The following CTIF variants were observed in gnomAD, a reference collection of about 807,000 sequenced individuals.
CTIF encodes cap binding complex dependent translation initiation factor.
CTIF carries 21 observed loss-of-function variants against 66.0 expected under a neutral mutation model. The ratio of observed to expected loss-of-function variants is 0.32; its 90% CI spans 0.23 to 0.46. The LOEUF is 0.46. Ranked by LOEUF, CTIF falls within the 20% of genes least tolerant of loss-of-function variation. The pLI is 1.00. For synonymous variants in CTIF, 345 were observed against 326.4 expected (o/e 1.06, Z -0.62); for missense variants, 739 against 812.7 (o/e 0.91, Z 1.10).
At chr18:48,677,283 G>A (rs530255839) in intron 6 of CTIF, among the ~76,000 whole-genome samples, 110 of 152,240 alleles carry the variant, frequency 7.2e-4, no homozygotes, top group Non-Finnish European at 1.4e-3. Context: ...GTGGTCCCAC[G>A]GAGGTGAGGT....
intron 1 of CTIF, among the ~76,000 whole-genome samples, chr18:48,552,349 A>G (rs969061087): frequency 1.3e-5 from 2 of 152,240 alleles, no homozygotes; most frequent in Non-Finnish European, 2.9e-5. Flanking sequence ...CTCTCTAGAA[A>G]GAACTGTGTG....
intron 6 of CTIF, among the ~76,000 whole-genome samples, chr18:48,685,312 T>C (rs1321823983): frequency 6.6e-6 from 1 of 152,064 alleles, no homozygotes; most frequent in Non-Finnish European, 1.5e-5. Flanking sequence ...AACCTCCGCC[T>C]CCCGGGTTCA....
At chr18:48,758,723 G>A (rs1908667041) in intron 8 of CTIF, among the ~76,000 whole-genome samples, 1 of 152,226 alleles carries the variant, frequency 6.6e-6, no homozygotes, top group Non-Finnish European at 1.5e-5. Context: ...GAGTGATGGG[G>A]GAGGTGCAGG....
At chr18:48,764,304 C>T (rs1909301804) in intron 9 of CTIF, among the ~76,000 whole-genome samples, 1 of 152,242 alleles carries the variant, frequency 6.6e-6, no homozygotes, top group African/African-American at 2.4e-5. Context: ...CAGTCAGTCA[C>T]TGGGCACAGC....
intron 7 of CTIF, among the ~76,000 whole-genome samples, chr18:48,716,080 C>T (rs1291832375): frequency 2.0e-5 from 3 of 152,190 alleles, no homozygotes; most frequent in Non-Finnish European, 2.9e-5. Flanking sequence ...TTCCAGCAGC[C>T]GGGAGGCAGT....
At chr18:48,698,104 TAAAAAAAAAAAAAA>T (rs527429582) in intron 6 of CTIF, among the ~76,000 whole-genome samples, 21 of 13,062 alleles carry the variant, frequency 1.6e-3, no homozygotes, top group East Asian at 0.013. Flanking sequence ...TAGCCATCAT[TAAAAAAAAAAAAAA>T]AAAAAAAAAA....
intron 1 of CTIF, chr18:48,567,030 A>G (rs377232106): frequency 1.1e-4 from 16 of 152,180 alleles, no homozygotes; most frequent in Admixed American, 8.5e-4. Flanking sequence ...TTCACCAGAT[A>G]TTTTTCAGCA....
intron 1 of CTIF, chr18:48,567,333 A>G: frequency 6.6e-6 from 1 of 152,250 alleles, no homozygotes; most frequent in Non-Finnish European, 1.5e-5. Flanking sequence ...GGCAGAAGTC[A>G]GGGAAGAACG....
At chr18:48,655,314 A>AAAAT (rs2091228674) in intron 3 of CTIF, among the ~76,000 whole-genome samples, 1 of 99,574 alleles carries the variant, frequency 1.0e-5, no homozygotes, top group African/African-American at 2.8e-5. Context: ...AAAAAAAAAA[A>AAAAT]AAAAAAGAAG....
At chr18:48,776,320 C>T (rs1007000958) in intron 9 of CTIF, among the ~76,000 whole-genome samples, 4 of 152,244 alleles carry the variant, frequency 2.6e-5, no homozygotes, top group Non-Finnish European at 4.4e-5. Flanking sequence ...GGGCGCCCAC[C>T]GCCCAACCAG....
At chr18:48,542,638 T>A (rs145514319) in intron 1 of CTIF, among the ~76,000 whole-genome samples, 1 of 152,282 alleles carries the variant, frequency 6.6e-6, no homozygotes, top group East Asian at 1.9e-4. Context: ...TGCAATGCAA[T>A]AACACAGCCT....
chr18:48,559,253 C>T (rs1025198109), intron 1 of CTIF, among the ~76,000 whole-genome samples: 11 of 151,672 alleles, frequency 7.3e-5, no homozygotes, highest in African/African-American at 2.7e-4. Flanking sequence ...TTGGCCCTAC[C>T]TTCAGACCAT....
intron 7 of CTIF, among the ~76,000 whole-genome samples, chr18:48,715,517 C>T (rs768784797): frequency 6.6e-6 from 1 of 152,178 alleles, no homozygotes; most frequent in Non-Finnish European, 1.5e-5. Flanking sequence ...CTCGTTCCCC[C>T]CCTTTTCTCA....
intron 10 of CTIF, among the ~76,000 whole-genome samples, chr18:48,849,020 G>A (rs973022968): frequency 7.2e-5 from 11 of 152,026 alleles, no homozygotes; most frequent in East Asian, 3.9e-4. Flanking sequence ...CCACATCCCC[G>A]TCAGTGCCAG....
Position 48,670,664 on chromosome 18 carries a change from T to G in CTIF, c.432-5T>G. 6.2e-7 allele frequency: 1 copy of G among 1,613,722 alleles called. No homozygotes were observed. Among genetic ancestry groups the G allele is most frequent in the Non-Finnish European group, 8.5e-7 (1 of 1,179,672 alleles). ...TCCAATGCCTTTCTGTCTTTTCTGG[T>G]CCAGGTGTGGCAAAGGGAAGCTGGA... On this transcript the variant is annotated splice_region_variant and splice_polypyrimidine_tract_variant and intron_variant, in intron 5 of 11. Transcript: ENST00000256413.
intron 7 of CTIF, among the ~76,000 whole-genome samples, chr18:48,717,255 C>T (rs572470165): frequency 1.3e-5 from 2 of 151,966 alleles, no homozygotes; most frequent in Admixed American, 6.6e-5. Flanking sequence ...CAAAATTAGC[C>T]GAGCGTGGTG....
chr18:48,588,000 T>A (rs2089808153), intron 1 of CTIF, among the ~76,000 whole-genome samples: 1 of 152,224 alleles, frequency 6.6e-6, no homozygotes, highest in Non-Finnish European at 1.5e-5. Flanking sequence ...AAAATGTGGT[T>A]AAATTACTCT....
intron 1 of CTIF, among the ~76,000 whole-genome samples, chr18:48,543,321 A>T (rs189402390): frequency 6.6e-6 from 1 of 152,292 alleles, no homozygotes; most frequent in East Asian, 1.9e-4. Flanking sequence ...TTTCTGCATA[A>T]CTTACCTGAT....
Position 48,776,830 on chromosome 18 carries a change from C to A in CTIF, c.1371+15141C>A, listed in dbSNP as rs535238488. Among the ~76,000 whole-genome samples, 14 of 152,378 alleles carry A rather than the reference C, an allele frequency of 9.2e-5. 1 individual carries two copies. In the South Asian group the frequency reaches 2.9e-3, roughly 32 times the overall value. ...CAGTTGTTTATCCCAAACAGGGAAC[C>A]AGAAGCTGAGGATTTAAAGGCTCGG... On this transcript the variant is annotated intron_variant, in intron 9 of 11. Transcript: ENST00000256413.
Sources: allele counts gnomAD v4.1 joint callset (sites outside exome capture counted in the v4.1 genomes callset), GRCh38; gene constraint gnomAD v4.1.1; transcripts MANE v1.5; gene names NCBI Gene and HGNC (gene_info 2026-07-23, HGNC 2026-07-21).